Variants in PACS2 observed in about 807,000 individuals in gnomAD.
PACS2 encodes PACS1-like protein.
In PACS2, 36 loss-of-function variants were observed where a neutral mutation model predicts 113.0. The ratio of observed to expected loss-of-function variants is 0.32; its 90% CI spans 0.24 to 0.42. The LOEUF is 0.42. Among genes scored for constraint, PACS2 ranks in the 10% least tolerant of loss-of-function variants. The pLI is 1.00. For synonymous variants in PACS2, 589 were observed against 536.1 expected (o/e 1.10, Z -1.36); for missense variants, 1,015 against 1,239.5 (o/e 0.82, Z 2.72).
At chr14:105,363,207 G>A (rs2060799647) in intron 4 of PACS2, among the ~76,000 whole-genome samples, 1 of 152,168 alleles carries the variant, frequency 6.6e-6, no homozygotes, top group Non-Finnish European at 1.5e-5. Context: ...AAAGTCACCA[G>A]CTGCCTTCAC....
intron 2 of PACS2, among the ~76,000 whole-genome samples, chr14:105,350,482 C>A (rs1468748974): frequency 1.3e-5 from 2 of 152,192 alleles, no homozygotes; most frequent in Admixed American, 1.3e-4. Context: ...CCCCACCTCT[C>A]CAGCCCCTCT....
At chr14:105,375,788 AACAC>A (rs1595739988) in intron 8 of PACS2, among the ~76,000 whole-genome samples, 1 of 152,324 alleles carries the variant, frequency 6.6e-6, no homozygotes, top group East Asian at 1.9e-4. Flanking sequence ...CAGGGAGGTG[AACAC>A]ACACATGCAT....
intron 14 of PACS2, 65 bp from the exon 15 acceptor site, chr14:105,382,741 AG>A: frequency 9.5e-7 from 1 of 1,058,166 alleles, no homozygotes. Context: ...AGCTTTGGTG[AG>A]GGTCAGGTGC....
In PACS2 at chr14:105,364,695, C is replaced by CTTTT. The variant is rs1166883985; in HGVS notation, c.424-2502_424-2499dup. On this transcript the variant is annotated intron_variant, in intron 4 of 24. Transcript: ENST00000447393. ...GTGACATCCTGAGCAATTTTCTTTT[C>CTTTT]TTTTTTTTTTTTTTTTTTTGAGACG... Among the ~76,000 whole-genome samples, 11 of 126,068 alleles carry CTTTT rather than the reference C, an allele frequency of 8.7e-5. 1 individual carries two copies. The highest frequency in any genetic ancestry group is 1.9e-4 in the African/African-American group (6 of 32,390). The allele number at this position is 126,068 out of a possible 152,430, so 82.7% of individuals were successfully genotyped here. A position where few individuals can be genotyped will look rare whatever the true frequency, so the allele number is the denominator to read the frequency against.
At chr14:105,337,013 C>T (rs587632078) in intron 1 of PACS2, among the ~76,000 whole-genome samples, 2 of 152,352 alleles carry the variant, frequency 1.3e-5, no homozygotes, top group East Asian at 3.9e-4. Context: ...AAGTCAGCAC[C>T]ATGTGGCCCT....
At position 105,356,642 on chromosome 14, in the gene PACS2, GCT is replaced by G. The variant is rs1188364408; in HGVS notation, c.423+1468_423+1469del. Among the ~76,000 whole-genome samples, 4 of 152,150 alleles carry G rather than the reference GCT, an allele frequency of 2.6e-5. No homozygotes were observed. The highest frequency in any genetic ancestry group is 4.4e-5 in the Non-Finnish European group (3 of 68,014). The stretch of plus-strand genomic sequence containing the variant: ...CAGGCACTGTGGGGAGGTCATGCAG[GCT>G]CTGTTTCCCATTAGCCATGCAGGCG... On this transcript the variant is annotated intron_variant, in intron 4 of 24. Transcript: ENST00000447393. This position sits in a 1 kb window ranked among gnomAD's most constrained non-coding sequence, Gnocchi z 4.0.
chr14:105,359,832 C>T (rs868952200), intron 4 of PACS2, among the ~76,000 whole-genome samples: 2 of 152,164 alleles, frequency 1.3e-5, no homozygotes, highest in African/African-American at 4.8e-5. Flanking sequence ...ACCTCGCGAT[C>T]CGCCCACCTT....
In PACS2 at chr14:105,357,043, G is replaced by T. The variant is rs1230205785; in HGVS notation, c.423+1866G>T. On this transcript the variant is annotated intron_variant, in intron 4 of 24. Coordinates refer to ENST00000447393, the MANE Select transcript of PACS2 (RefSeq NM_001100913.3). This position sits in a 1 kb window ranked among gnomAD's most constrained non-coding sequence, Gnocchi z 5.1. ...TGCAGGTGATGTCCTGCTGATCCCT[G>T]CCGGTCCCTGTGAGCTCCTGCCCCA... Among the ~76,000 whole-genome samples the T allele has an allele frequency of 2.0e-5, 3 of 152,128 alleles. No individual in the cohort carries two copies. Among genetic ancestry groups the T allele is most frequent in the Non-Finnish European group, 4.4e-5 (3 of 68,012 alleles).
Position 105,315,881 on chromosome 14 carries a change from C to T in PACS2, c.119+844C>T, listed in dbSNP as rs930800216. On this transcript the variant is annotated intron_variant, in intron 1 of 24. Transcript: ENST00000447393. The surrounding 1 kb of genome is among the most constrained non-coding windows in gnomAD (Gnocchi z 4.4). Reference sequence around the variant, plus strand: ...TTCTGGTTCTAGAATAGACAGCAGGCGAGAAGAGGAGGCGGTTGGGGGTAG... The same window carrying T: ...TTCTGGTTCTAGAATAGACAGCAGGTGAGAAGAGGAGGCGGTTGGGGGTAG... 1.2e-4 allele frequency among the ~76,000 whole-genome samples: 18 copies of T among 152,184 alleles called. 1 individual carries two copies. Among genetic ancestry groups the T allele is most frequent in the South Asian group, 4.1e-4 (2 of 4,830 alleles).
At chr14:105,305,312 G>A (rs61996224) in intron 1 of PACS2, among the ~76,000 whole-genome samples, 1 of 152,146 alleles carries the variant, frequency 6.6e-6, no homozygotes, top group African/African-American at 2.4e-5. Flanking sequence ...TGAGGTAGGA[G>A]GATTGCTTGA....
intron 8 of PACS2, 21 bp downstream of exon 8, chr14:105,369,921 G>A: frequency 6.3e-7 from 1 of 1,590,036 alleles, no homozygotes; most frequent in South Asian, 1.1e-5. Flanking sequence ...CGCGCCTTCT[G>A]CTCGCGGCCC....
In PACS2 at chr14:105,397,472, C is replaced by T. The variant is rs1419689034; in HGVS notation, c.*2800C>T. The T allele has an allele frequency of 6.6e-6, 1 of 152,298 alleles. No homozygotes were observed. The highest frequency in any genetic ancestry group is 2.4e-5 in the African/African-American group (1 of 41,446). The allele number at this position is 152,298 out of a possible 1,614,324, so 9.4% of individuals were successfully genotyped here. A position where few individuals can be genotyped will look rare whatever the true frequency, so the allele number is the denominator to read the frequency against. ...CAGTCTCAAAGGTTAAGCCACCAGTCACCACCGAGGCACCCCTCAGGCCTG... is the reference window on the plus strand; with the variant it reads ...CAGTCTCAAAGGTTAAGCCACCAGTTACCACCGAGGCACCCCTCAGGCCTG... On this transcript the variant is annotated 3_prime_UTR_variant, in exon 25 of 25. Coordinates refer to ENST00000447393, the MANE Select transcript of PACS2 (RefSeq NM_001100913.3).
chr14:105,367,061 A>G (rs1555408087), intron 4 of PACS2, 152 bp from the exon 5 acceptor site: 2 of 656,620 alleles, frequency 3.0e-6, no homozygotes, highest in South Asian at 1.9e-5. Flanking sequence ...TTTCCTGTCC[A>G]CTGGATGCTC....
rs2080915828 is a variant in PACS2, at chr14:105,379,813, A to G, written c.1034A>G (p.Lys345Arg). The change falls in exon 10 of 25, where the codon AAG (lysine) becomes AGG (arginine). Residue 345 changes from lysine (K) to arginine (R), a missense_variant. Physicochemically the swap from Lys to Arg is conservative, Grantham distance 26. Transcript: ENST00000447393. ...IGSIHSARSH[K>R]EPPSPADVPE... The stretch of plus-strand genomic sequence containing the variant: ...AGCATCCACAGCGCCCGCAGCCACA[A>G]GGAGCCCCCAAGCCCGGTGAGTGGG... 1 of 1,613,598 alleles carries G rather than the reference A, an allele frequency of 6.2e-7. No individual in the cohort carries two copies. The highest frequency in any genetic ancestry group is 8.5e-7 in the Non-Finnish European group (1 of 1,179,966).
chr14:105,394,622 G>C lies in PACS2; in HGVS notation c.2665G>C (p.Val889Leu), dbSNP rs782808082. The C allele has an allele frequency of 6.2e-7, 1 of 1,613,484 alleles. No individual in the cohort carries two copies. Among genetic ancestry groups the C allele is most frequent in the Non-Finnish European group, 8.5e-7 (1 of 1,179,956 alleles). ...GCTGGCCGCGCAGTGGTCCTCGCAC[G>C]TGAAGCACTTCCCCATCTGCATCTT... ...FQLAAQWSSHVKHFPICIFGH... is the reference protein window; with the variant it reads ...FQLAAQWSSHLKHFPICIFGH... The change falls in exon 25 of 25, where the codon GTG becomes CTG. Residue 889 changes from valine to leucine, a missense_variant. This residue lies in a region of PACS2 where 859 missense variants were observed against 1,056.8 expected (regional missense o/e 0.81). Coordinates refer to ENST00000447393, the MANE Select transcript of PACS2 (RefSeq NM_001100913.3).
intron 9 of PACS2, among the ~76,000 whole-genome samples, chr14:105,379,508 C>T (rs1555411342): frequency 6.6e-6 from 1 of 152,186 alleles, no homozygotes; most frequent in Non-Finnish European, 1.5e-5. Flanking sequence ...CAGGACGGGG[C>T]AGCCAGGTTG....
intron 1 of PACS2, among the ~76,000 whole-genome samples, chr14:105,342,112 A>C (rs2059749244): frequency 6.6e-6 from 1 of 151,956 alleles, no homozygotes; most frequent in South Asian, 2.1e-4. Context: ...GTACCTGCAC[A>C]CTCCCCAAAT....
intron 1 of PACS2, among the ~76,000 whole-genome samples, chr14:105,301,812 G>T (rs1015374354): frequency 6.6e-6 from 1 of 152,220 alleles, no homozygotes; most frequent in East Asian, 1.9e-4. Flanking sequence ...AATCGCCATA[G>T]GGCCGGTGAC....
At chr14:105,390,161 T>C (rs1230242961) in intron 20 of PACS2, 158 bp downstream of exon 20, 2 of 734,958 alleles carry the variant, frequency 2.7e-6, no homozygotes, top group African/African-American at 3.4e-5. Context: ...CAAAGCTCGC[T>C]TCCTTCCCTG....
Sources: gnomAD v4.1 joint callset for allele counts (sites outside exome capture counted in the v4.1 genomes callset) on GRCh38, gnomAD v4.1.1 for gene constraint, gnomAD v4.1.1 regional missense constraint, Gnocchi (gnomAD v3.1) non-coding constraint, MANE v1.5 for transcripts, NCBI Gene and HGNC (gene_info 2026-07-23, HGNC 2026-07-21) for gene names.